Variants in ITPK1 observed in about 807,000 individuals in gnomAD.
ITPK1 encodes the protein inositol 1,3,4-trisphosphate 5/6-kinase.
In ITPK1, 21 loss-of-function variants were observed where a neutral mutation model predicts 45.3. The observed-to-expected ratio is 0.46, with a 90% CI of 0.33 to 0.67. The LOEUF is 0.67. ITPK1 is among the 30% of genes least tolerant of loss of function. ITPK1 has a pLI of 0.02. For synonymous variants in ITPK1, 258 were observed against 253.6 expected (o/e 1.02, Z -0.16); for missense variants, 474 against 573.5 (o/e 0.83, Z 1.77).
intron 4 of ITPK1, among the ~76,000 whole-genome samples, chr14:92,999,502 T>C (rs909124702): frequency 6.6e-6 from 1 of 152,212 alleles, no homozygotes; most frequent in Admixed American, 6.5e-5. Flanking sequence ...CTCCACACGC[T>C]GCTTAGGAAA....
At chr14:92,974,329 ATGT>A (rs1316644158) in intron 5 of ITPK1, among the ~76,000 whole-genome samples, 3 of 152,210 alleles carry the variant, frequency 2.0e-5, no homozygotes, top group East Asian at 3.9e-4. Context: ...CTGGAATGAC[ATGT>A]TGTGTTTTGT....
chr14:93,060,517 G>T (rs1441957364), intron 3 of ITPK1, among the ~76,000 whole-genome samples: 1 of 152,182 alleles, frequency 6.6e-6, no homozygotes, highest in Non-Finnish European at 1.5e-5. Context: ...GAACAGGCGA[G>T]TATCAGCATG....
intron 2 of ITPK1, among the ~76,000 whole-genome samples, chr14:93,086,673 G>A (rs899381605): frequency 1.3e-5 from 2 of 152,246 alleles, no homozygotes; most frequent in African/African-American, 4.8e-5. Flanking sequence ...GAGGCACAGG[G>A]AAGTTTCAGT....
chr14:92,963,392 G>A (rs1885189627), intron 5 of ITPK1, among the ~76,000 whole-genome samples: 1 of 152,252 alleles, frequency 6.6e-6, no homozygotes, highest in Non-Finnish European at 1.5e-5. Flanking sequence ...CCATGAGGAG[G>A]AAACTGGGGT....
At chr14:92,953,337 ACGGGGG>A (rs1888048668) in intron 8 of ITPK1, among the ~76,000 whole-genome samples, 1 of 152,214 alleles carries the variant, frequency 6.6e-6, no homozygotes, top group South Asian at 2.1e-4. Flanking sequence ...GCCAGTCCAG[ACGGGGG>A]CCATGAAATA....
At chr14:93,072,477 A>G (rs1046558773) in intron 3 of ITPK1, among the ~76,000 whole-genome samples, 6 of 152,172 alleles carry the variant, frequency 3.9e-5, no homozygotes, top group African/African-American at 1.4e-4. Context: ...TAATTTTTAC[A>G]GATGTGAGAA....
At chr14:93,094,975 C>T (rs1483207744) in intron 2 of ITPK1, among the ~76,000 whole-genome samples, 1 of 152,212 alleles carries the variant, frequency 6.6e-6, no homozygotes, top group Non-Finnish European at 1.5e-5. Context: ...CTCCCTGCGC[C>T]CTCAAACATA....
In ITPK1 at chr14:92,958,987, C is replaced by T. The variant is rs1053045981; in HGVS notation, c.505-621G>A. On this transcript the variant is annotated intron_variant, in intron 7 of 10. Transcript: ENST00000267615. This position sits in a 1 kb window ranked among gnomAD's most constrained non-coding sequence, Gnocchi z 4.4. ...GTGACTGCTGGACAGTGAGTGAGCC[C>T]GGGATGGAACTGGGTCTGCACAGCA... 7.9e-5 allele frequency among the ~76,000 whole-genome samples: 12 copies of T among 152,162 alleles called. No homozygotes were observed. Among genetic ancestry groups the T allele is most frequent in the South Asian group, 6.2e-4 (3 of 4,822 alleles).
At chr14:93,001,443 C>G (rs1037988622) in intron 4 of ITPK1, among the ~76,000 whole-genome samples, 1 of 152,142 alleles carries the variant, frequency 6.6e-6, no homozygotes, top group African/African-American at 2.4e-5. Context: ...GTCACCTCCC[C>G]CATGGCCACA....
chr14:93,027,623 G>A (rs148596998), intron 3 of ITPK1, among the ~76,000 whole-genome samples: 1 of 152,172 alleles, frequency 6.6e-6, no homozygotes, highest in African/African-American at 2.4e-5. Context: ...TCTACAACAT[G>A]TGCACGCACG....
intron 5 of ITPK1, among the ~76,000 whole-genome samples, chr14:92,989,736 G>A (rs1335065666): frequency 6.6e-6 from 1 of 152,194 alleles, no homozygotes; most frequent in Non-Finnish European, 1.5e-5. Flanking sequence ...TTAAGTGCTT[G>A]GTTTGAATTG....
intron 9 of ITPK1, among the ~76,000 whole-genome samples, chr14:92,946,920 G>A (rs1007077674): frequency 6.6e-6 from 1 of 152,224 alleles, no homozygotes; most frequent in African/African-American, 2.4e-5. Flanking sequence ...AAGACATGGT[G>A]CAGAGCACCG....
At chr14:92,969,484 A>C (rs539180449) in intron 5 of ITPK1, among the ~76,000 whole-genome samples, 1 of 152,206 alleles carries the variant, frequency 6.6e-6, no homozygotes, top group Admixed American at 6.5e-5. Flanking sequence ...CAACCTGAGA[A>C]CGCTCCAGCT....
At chr14:92,975,831 C>T (rs555447287) in intron 5 of ITPK1, among the ~76,000 whole-genome samples, 1 of 152,246 alleles carries the variant, frequency 6.6e-6, no homozygotes, top group African/African-American at 2.4e-5. Flanking sequence ...GTGTCCCCAC[C>T]CAAATCTCAT....
In ITPK1 at chr14:92,941,262, C is replaced by A. The variant is rs1408392136; in HGVS notation, c.*299G>T. 1 of 1,371,052 alleles carries A rather than the reference C, an allele frequency of 7.3e-7. No homozygotes were observed. Among genetic ancestry groups the A allele is most frequent in the Non-Finnish European group, 9.4e-7 (1 of 1,063,900 alleles). The allele number at this position is 1,371,052 out of a possible 1,614,324, so 84.9% of individuals were successfully genotyped here. On this transcript the variant is annotated 3_prime_UTR_variant, in exon 11 of 11. Transcript: ENST00000267615. ...CTGGCATGGCAGCCATACGCACACC[C>A]CTCACCTCCCATCCAGACCTAGTGT...
Position 93,063,561 on chromosome 14 carries a change from T to A in ITPK1, c.120+13034A>T, listed in dbSNP as rs1403978426. Among the ~76,000 whole-genome samples the A allele has an allele frequency of 1.3e-5, 2 of 152,130 alleles. No individual in the cohort carries two copies. The highest frequency in any genetic ancestry group is 2.9e-5 in the Non-Finnish European group (2 of 68,016). ...CCCCTCGTCTCAATCATCCATCTCA[T>A]CACCATCTGGTAGATGGGCCTCAGA... On this transcript the variant is annotated intron_variant, in intron 3 of 10. Transcript: ENST00000267615. The surrounding 1 kb of genome is among the most constrained non-coding windows in gnomAD (Gnocchi z 4.3).
At chr14:92,971,376 C>T (rs539278657) in intron 5 of ITPK1, among the ~76,000 whole-genome samples, 16 of 152,336 alleles carry the variant, frequency 1.1e-4, no homozygotes, top group African/African-American at 3.4e-4. Flanking sequence ...GTTCAGAGGG[C>T]TACTACCCCT....
chr14:93,093,005 G>A (rs569096330), intron 2 of ITPK1, among the ~76,000 whole-genome samples: 1 of 152,272 alleles, frequency 6.6e-6, no homozygotes, highest in African/African-American at 2.4e-5. Context: ...TCCCAGATCC[G>A]ACTGCTGCTT....
At chr14:93,110,566 G>GAGTA (rs1892709950) in intron 2 of ITPK1, among the ~76,000 whole-genome samples, 1 of 152,148 alleles carries the variant, frequency 6.6e-6, no homozygotes, top group Non-Finnish European at 1.5e-5. Flanking sequence ...ACTCTCACTG[G>GAGTA]CACGCCTCCC....
Sources: allele counts gnomAD v4.1 joint callset (sites outside exome capture counted in the v4.1 genomes callset), GRCh38; gene constraint gnomAD v4.1.1; non-coding constraint Gnocchi (gnomAD v3.1); transcripts MANE v1.5; gene names NCBI Gene and HGNC (gene_info 2026-07-23, HGNC 2026-07-21).